Variants in CCDC7 observed in about 807,000 individuals in gnomAD.
The protein encoded by CCDC7 is coiled-coil domain containing 7, also known as coiled-coil domain-containing protein 7.
Under a neutral mutation model 196.9 loss-of-function variants are expected in CCDC7, and 183 were observed. The ratio of observed to expected loss-of-function variants is 0.93; its 90% CI spans 0.82 to 1.05. The LOEUF is 1.05. Among genes scored for constraint, CCDC7 ranks in the 50% least tolerant of loss-of-function variants. CCDC7 has a pLI of 0.00. For synonymous variants in CCDC7, 525 were observed against 484.6 expected, an observed-to-expected ratio of 1.08 and a Z score of -1.10; for missense variants, 1,540 against 1,482.2, an observed-to-expected ratio of 1.04 and a Z score of -0.64.
intron 25 of CCDC7, among the ~76,000 whole-genome samples, chr10:32,720,035 T>C (rs796854734): frequency 3.3e-5 from 5 of 152,152 alleles, no homozygotes; most frequent in African/African-American, 1.2e-4. Flanking sequence ...ACCCAAACGA[T>C]TATAAATTAT....
intron 20 of CCDC7, among the ~76,000 whole-genome samples, chr10:32,655,721 T>C (rs2069694367): frequency 6.6e-6 from 1 of 152,062 alleles, no homozygotes; most frequent in Admixed American, 6.6e-5. Flanking sequence ...TTTTTGTATT[T>C]TTTAGTAGAG....
intron 9 of CCDC7, among the ~76,000 whole-genome samples, chr10:32,515,931 G>A (rs373965060): frequency 2.0e-5 from 3 of 152,102 alleles, no homozygotes; most frequent in Non-Finnish European, 4.4e-5. Flanking sequence ...AAGAAGCATA[G>A]GAGTAAATCT....
At chr10:32,472,418 G>T in intron 6 of CCDC7, 63 bp from the exon 8 acceptor site, 1 of 1,394,928 alleles carries the variant, frequency 7.2e-7, no homozygotes, top group Non-Finnish European at 9.5e-7. Context: ...AGTTATTTTA[G>T]TGTAATTTAA....
At position 32,543,405 on chromosome 10, in the gene CCDC7, GT is replaced by G; in HGVS notation, c.1079+22del. 7.7e-7 allele frequency: 1 copy of G among 1,306,418 alleles called. No individual in the cohort carries two copies. The highest frequency in any genetic ancestry group is 1.0e-6 in the Non-Finnish European group (1 of 985,064). The allele number at this position is 1,306,418 out of a possible 1,614,324, so 80.9% of individuals were successfully genotyped here. ...AGAAAAGTAAGACATAAAGATACAT[GT>G]TAATCTTTTTTTCCTTGTTAATTTA... On this transcript the variant is annotated intron_variant, in intron 12 of 41. Coordinates refer to ENST00000639629, the Ensembl canonical transcript of CCDC7.
chr10:32,479,763 A>T (rs1052711894), intron 8 of CCDC7, among the ~76,000 whole-genome samples: 8 of 152,172 alleles, frequency 5.3e-5, no homozygotes, highest in African/African-American at 1.9e-4. Flanking sequence ...TTTTCGAAGA[A>T]TTCGAGAAGG....
At chr10:32,629,735 A>C (rs2064573265) in intron 18 of CCDC7, among the ~76,000 whole-genome samples, 1 of 152,044 alleles carries the variant, frequency 6.6e-6, no homozygotes, top group African/African-American at 2.4e-5. Context: ...CTCCAGTGAG[A>C]GATTTCAGGA....
chr10:32,642,926 T>G (rs1244379776), intron 20 of CCDC7, among the ~76,000 whole-genome samples: 1 of 152,206 alleles, frequency 6.6e-6, no homozygotes, highest in Non-Finnish European at 1.5e-5. Context: ...GTAAATGTAA[T>G]GATGAATATT....
At chr10:32,562,345 C>T (rs1048052457) in intron 13 of CCDC7, among the ~76,000 whole-genome samples, 10 of 152,044 alleles carry the variant, frequency 6.6e-5, no homozygotes, top group African/African-American at 2.4e-4. Flanking sequence ...AGAGACACAA[C>T]CAAAAAAGAG....
intron 21 of CCDC7, among the ~76,000 whole-genome samples, chr10:32,669,748 T>G (rs190025914): frequency 6.6e-6 from 1 of 152,298 alleles, no homozygotes; most frequent in African/African-American, 2.4e-5. Flanking sequence ...TTCCTGGTTT[T>G]GAGTCTTTTC....
intron 18 of CCDC7, among the ~76,000 whole-genome samples, chr10:32,622,166 C>T (rs2063490565): frequency 6.6e-6 from 1 of 152,180 alleles, no homozygotes. Context: ...TTGGCTAACT[C>T]TCACTCTCAT....
intron 24 of CCDC7, among the ~76,000 whole-genome samples, chr10:32,703,023 T>C (rs1173988111): frequency 6.6e-6 from 1 of 152,190 alleles, no homozygotes; most frequent in African/African-American, 2.4e-5. Flanking sequence ...ACATTTAAGG[T>C]TAATATTGTT....
At chr10:32,851,826 T>C in exon 40 of CCDC7, 1 of 1,611,772 alleles carries the variant, frequency 6.2e-7, no homozygotes, top group Non-Finnish European at 8.5e-7. Context: ...ATGAGTACTC[T>C]TCACCCTATG....
intron 8 of CCDC7, 108 bp downstream of exon 9, chr10:32,474,131 T>C: frequency 8.9e-7 from 1 of 1,127,208 alleles, no homozygotes; most frequent in Non-Finnish European, 1.2e-6. Flanking sequence ...GCCTTGGAGT[T>C]TGGAGCCATA....
At chr10:32,531,507 G>A (rs1436274864) in intron 11 of CCDC7, among the ~76,000 whole-genome samples, 1 of 152,156 alleles carries the variant, frequency 6.6e-6, no homozygotes, top group Non-Finnish European at 1.5e-5. Flanking sequence ...TCATATGGGT[G>A]TGTAGTTTTC....
intron 35 of CCDC7, 104 bp from the exon 37 acceptor site, chr10:32,845,772 C>CAT: frequency 1.4e-6 from 1 of 727,674 alleles, no homozygotes; most frequent in South Asian, 2.0e-5. Flanking sequence ...CATAATTACA[C>CAT]ACACACACAC....
intron 8 of CCDC7, among the ~76,000 whole-genome samples, chr10:32,486,471 T>C (rs2041113590): frequency 6.6e-6 from 1 of 150,548 alleles, no homozygotes; most frequent in Admixed American, 6.7e-5. Flanking sequence ...TCTGTGTCTT[T>C]TAATGGGAGC....
At chr10:32,583,253 C>T (rs1305690642) in exon 17 of CCDC7, 32 of 1,231,136 alleles carry the variant, frequency 2.6e-5, no homozygotes, top group Non-Finnish European at 3.1e-5. Context: ...CTCAAAAAAA[C>T]GAAACAGTGA....
At chr10:32,839,960 A>G (rs1203474643) in intron 33 of CCDC7, among the ~76,000 whole-genome samples, 1 of 152,118 alleles carries the variant, frequency 6.6e-6, no homozygotes, top group Non-Finnish European at 1.5e-5. Flanking sequence ...ACTGAACAAT[A>G]ATAGTGACAC....
intron 28 of CCDC7, among the ~76,000 whole-genome samples, chr10:32,739,715 A>G (rs1329759867): frequency 6.6e-6 from 1 of 151,932 alleles, no homozygotes; most frequent in Non-Finnish European, 1.5e-5. Context: ...AAATCTAGAC[A>G]TAATGTATTG....
Sources: allele counts gnomAD v4.1 joint callset (sites outside exome capture counted in the v4.1 genomes callset), GRCh38; gene constraint gnomAD v4.1.1; transcripts MANE v1.5; gene names NCBI Gene and HGNC (gene_info 2026-07-23, HGNC 2026-07-21).